Variants in EPHA6 observed in about 807,000 individuals in gnomAD.
EPHA6 encodes EPH receptor A6.
EPHA6 carries 50 observed loss-of-function variants against 112.0 expected under a neutral mutation model. That is an observed-to-expected ratio of 0.45 (90% CI 0.36 to 0.56). The LOEUF is 0.56. Ranked by LOEUF, EPHA6 falls within the 20% of genes least tolerant of loss-of-function variation. The pLI, the probability that EPHA6 is intolerant of heterozygous loss-of-function variation, is 0.00. For synonymous variants in EPHA6, 529 were observed against 490.7 expected, an observed-to-expected ratio of 1.08 and a Z score of -1.03; for missense variants, 1,280 against 1,417.4, an observed-to-expected ratio of 0.90 and a Z score of 1.56.
In EPHA6 at chr3:97,720,049, CT is replaced by C. The variant is rs879219951; in HGVS notation, c.2785-210del. On this transcript the variant is annotated intron_variant, in intron 14 of 17. Transcript: ENST00000389672. ...GAAATAAAATATTTCTGAAGTGTGA[CT>C]TATTTCCCATTAAAGCTATTTTTAC... 5.9e-5 allele frequency among the ~76,000 whole-genome samples: 9 copies of C among 152,260 alleles called. No individual in the cohort carries two copies. The South Asian group carries it at 1.9e-3, about 32-fold the overall frequency.
chr3:96,847,555 A>C (rs1041364467), intron 1 of EPHA6, among the ~76,000 whole-genome samples: 1 of 152,128 alleles, frequency 6.6e-6, no homozygotes, highest in Admixed American at 6.6e-5. Context: ...AGGTCATGCT[A>C]TGCTTAAATA....
chr3:97,303,729 T>G (rs965180913), intron 5 of EPHA6, among the ~76,000 whole-genome samples: 7 of 152,070 alleles, frequency 4.6e-5, no homozygotes, highest in African/African-American at 1.7e-4. Flanking sequence ...TTTTATATAT[T>G]GTGGTAACTG....
intron 14 of EPHA6, among the ~76,000 whole-genome samples, chr3:97,697,699 T>C (rs62262810): frequency 0.019 from 2,897 of 152,278 alleles, 40 homozygotes; most frequent in Middle Eastern, 0.044. Flanking sequence ...AGGTGTGTTA[T>C]CAATTTCTGA....
chr3:96,998,359 T>C (rs2043502427), intron 3 of EPHA6, among the ~76,000 whole-genome samples: 1 of 151,998 alleles, frequency 6.6e-6, no homozygotes, highest in Admixed American at 6.6e-5. Context: ...TAACAGTTTT[T>C]GTACCTTTCA....
intron 2 of EPHA6, among the ~76,000 whole-genome samples, chr3:96,883,174 A>G (rs1175824185): frequency 6.6e-6 from 1 of 152,156 alleles, no homozygotes; most frequent in Non-Finnish European, 1.5e-5. Context: ...TTCCCTGATC[A>G]TTAGTAATTT....
chr3:97,077,431 G>GCACA (rs1435694568), intron 3 of EPHA6, among the ~76,000 whole-genome samples: 4 of 152,080 alleles, frequency 2.6e-5, no homozygotes, highest in African/African-American at 9.7e-5. Flanking sequence ...GGGTACATGT[G>GCACA]CACAACGTGC....
chr3:97,730,099 G>A (rs1388072395), intron 15 of EPHA6, among the ~76,000 whole-genome samples: 2 of 152,046 alleles, frequency 1.3e-5, no homozygotes, highest in African/African-American at 2.4e-5. Flanking sequence ...ACCCTGCACA[G>A]TCTAAGCAGT....
chr3:97,041,935 A>G (rs528291152), intron 3 of EPHA6, among the ~76,000 whole-genome samples: 238 of 152,216 alleles, frequency 1.6e-3, no homozygotes, highest in African/African-American at 5.3e-3. Context: ...TTACAATTCA[A>G]CATAAGATTT....
In EPHA6 at chr3:97,492,797, T is replaced by C. The variant is rs995071026; in HGVS notation, c.2200+8738T>C. On this transcript the variant is annotated intron_variant, in intron 10 of 17. Coordinates refer to ENST00000389672, the MANE Select transcript of EPHA6 (RefSeq NM_001080448.3). ...GACTGAATTAGGCATTTAGATATAC[T>C]GTTAAAGATAAGGATTGTCAAGCTG... 5.9e-5 allele frequency among the ~76,000 whole-genome samples: 9 copies of C among 151,866 alleles called. 1 individual carries two copies. The highest frequency in any genetic ancestry group is 2.2e-4 in the African/African-American group (9 of 41,350).
chr3:97,093,699 G>A (rs1210244112), intron 3 of EPHA6, among the ~76,000 whole-genome samples: 2 of 152,002 alleles, frequency 1.3e-5, no homozygotes, highest in African/African-American at 2.4e-5. Flanking sequence ...TATTATCATC[G>A]TGTGATCCAT....
intron 2 of EPHA6, among the ~76,000 whole-genome samples, chr3:96,954,545 G>C (rs577642734): frequency 2.6e-5 from 4 of 152,096 alleles, no homozygotes; most frequent in Non-Finnish European, 4.4e-5. Context: ...CCTCAGTCAG[G>C]TTTCAAATAT....
chr3:97,206,234 T>G (rs1204745862), intron 3 of EPHA6, among the ~76,000 whole-genome samples: 6 of 152,060 alleles, frequency 3.9e-5, no homozygotes, highest in Non-Finnish European at 1.5e-5. Context: ...GGTCAATGAC[T>G]TTGTCTCCTA....
At chr3:97,617,566 C>G (rs568591741) in intron 13 of EPHA6, among the ~76,000 whole-genome samples, 1 of 152,088 alleles carries the variant, frequency 6.6e-6, no homozygotes, top group East Asian at 1.9e-4. Flanking sequence ...CAGGTAGGCT[C>G]AAAATAAAGT....
chr3:96,980,918 T>A (rs1042125876), intron 2 of EPHA6, among the ~76,000 whole-genome samples: 4 of 152,206 alleles, frequency 2.6e-5, no homozygotes, highest in African/African-American at 9.6e-5. Flanking sequence ...GAGACTTTGC[T>A]GAAGTTGCTT....
At chr3:97,079,606 TAAAAAA>T (rs71113851) in intron 3 of EPHA6, among the ~76,000 whole-genome samples, 2 of 113,268 alleles carry the variant, frequency 1.8e-5, no homozygotes, top group Admixed American at 1.7e-4. Flanking sequence ...AAATTAAAAG[TAAAAAA>T]AAAAAAAAAA....
intron 11 of EPHA6, among the ~76,000 whole-genome samples, chr3:97,578,731 T>G (rs564143480): frequency 6.6e-6 from 1 of 152,190 alleles, no homozygotes; most frequent in Non-Finnish European, 1.5e-5. Context: ...GATTTTCAAA[T>G]AGTAGAGATT....
intron 14 of EPHA6, among the ~76,000 whole-genome samples, chr3:97,710,229 G>A (rs2033897173): frequency 6.6e-6 from 1 of 152,110 alleles, no homozygotes; most frequent in South Asian, 2.1e-4. Context: ...CCTATTGAGT[G>A]TACTTCTGAC....
intron 12 of EPHA6, among the ~76,000 whole-genome samples, chr3:97,593,475 A>T (rs1336237157): frequency 1.3e-5 from 2 of 152,208 alleles, no homozygotes; most frequent in Non-Finnish European, 2.9e-5. Context: ...TTAGCAAAAC[A>T]GAATTCAAAT....
intron 10 of EPHA6, among the ~76,000 whole-genome samples, chr3:97,528,793 T>C (rs1373866348): frequency 6.6e-6 from 1 of 152,168 alleles, no homozygotes; most frequent in Non-Finnish European, 1.5e-5. Flanking sequence ...TATGACCCTG[T>C]ATAACATACA....
Sources: allele counts gnomAD v4.1 joint callset (sites outside exome capture counted in the v4.1 genomes callset), GRCh38; gene constraint gnomAD v4.1.1; transcripts MANE v1.5; gene names NCBI Gene and HGNC (gene_info 2026-07-23, HGNC 2026-07-21).